Variants in ZNF385D observed in about 807,000 individuals in gnomAD.
ZNF385D encodes zinc finger protein 385D, also known as zinc finger protein 659.
Under a neutral mutation model 35.8 loss-of-function variants are expected in ZNF385D, and 15 were observed. That is an observed-to-expected ratio of 0.42 (90% CI 0.28 to 0.64). The LOEUF is 0.64. Among genes scored for constraint, ZNF385D ranks in the 30% least tolerant of loss-of-function variants. ZNF385D has a pLI of 0.23. For missense variants in ZNF385D, 474 were observed against 494.6 expected, an observed-to-expected ratio of 0.96 and a Z score of 0.39; for synonymous variants, 212 against 186.8, an observed-to-expected ratio of 1.13 and a Z score of -1.10.
Position 21,786,356 on chromosome 3 carries a change from T to C in ZNF385D, c.326-121328A>G, listed in dbSNP as rs148634063. On this transcript the variant is annotated intron_variant, in intron 3 of 5. Transcript: ENST00000494108. Reference sequence around the variant, plus strand: ...AGTCCAAGAAAAAGCCAAGAAAGGTTTGAGAACACAGTACTCCTTTAGGGA... The same window carrying C: ...AGTCCAAGAAAAAGCCAAGAAAGGTCTGAGAACACAGTACTCCTTTAGGGA... Among the ~76,000 whole-genome samples the C allele has an allele frequency of 6.5e-4, 99 of 152,348 alleles. 1 individual carries two copies. The highest frequency in any genetic ancestry group is 2.3e-3 in the African/African-American group (96 of 41,582).
chr3:22,127,901 C>T (rs1299928566), intron 3 of ZNF385D, among the ~76,000 whole-genome samples: 1 of 152,120 alleles, frequency 6.6e-6, no homozygotes, highest in Non-Finnish European at 1.5e-5. Flanking sequence ...ATCTTTTAGT[C>T]TTCCTACTAA....
chr3:22,117,496 C>T (rs1000603675), intron 3 of ZNF385D, among the ~76,000 whole-genome samples: 1 of 151,728 alleles, frequency 6.6e-6, no homozygotes, highest in Non-Finnish European at 1.5e-5. Flanking sequence ...GCATCTTGTT[C>T]AACCAAAATT....
chr3:21,941,438 G>A (rs182245324), intron 3 of ZNF385D, among the ~76,000 whole-genome samples: 3 of 149,418 alleles, frequency 2.0e-5, no homozygotes, highest in Middle Eastern at 3.5e-3. Context: ...ACCAAGTATA[G>A]TGATTAAGCA....
chr3:22,175,940 T>C (rs1244560643), intron 2 of ZNF385D, among the ~76,000 whole-genome samples: 1 of 149,616 alleles, frequency 6.7e-6, no homozygotes, highest in Non-Finnish European at 1.5e-5. Context: ...AAATCATATT[T>C]ATAACATTAG....
At chr3:21,690,929 C>T (rs1279002212) in intron 1 of ZNF385D, among the ~76,000 whole-genome samples, 1 of 152,174 alleles carries the variant, frequency 6.6e-6, no homozygotes, top group Non-Finnish European at 1.5e-5. Flanking sequence ...ACTGTTCCTC[C>T]TTCAAAATCT....
chr3:22,352,292 T>C (rs1485356702), intron 2 of ZNF385D, among the ~76,000 whole-genome samples: 2 of 152,202 alleles, frequency 1.3e-5, no homozygotes, highest in South Asian at 2.1e-4. Flanking sequence ...AATAAACTTA[T>C]GAACATGTTC....
intron 3 of ZNF385D, among the ~76,000 whole-genome samples, chr3:22,086,023 C>A (rs1019271884): frequency 6.6e-6 from 1 of 152,150 alleles, no homozygotes; most frequent in Non-Finnish European, 1.5e-5. Flanking sequence ...TAAAAACTCT[C>A]AATAAATTAG....
At chr3:21,745,224 A>G (rs1353598978) in intron 1 of ZNF385D, among the ~76,000 whole-genome samples, 1 of 152,186 alleles carries the variant, frequency 6.6e-6, no homozygotes, top group African/African-American at 2.4e-5. Flanking sequence ...TGGCCAGGTT[A>G]CTTTTCTTTT....
chr3:22,160,940 T>C (rs116416252), intron 3 of ZNF385D, among the ~76,000 whole-genome samples: 121 of 152,182 alleles, frequency 8.0e-4, no homozygotes, highest in African/African-American at 2.8e-3. Context: ...GGTTTAAACA[T>C]CCTAAAAGTT....
intron 2 of ZNF385D, among the ~76,000 whole-genome samples, chr3:22,331,089 G>C (rs1384034733): frequency 6.6e-6 from 1 of 152,212 alleles, no homozygotes; most frequent in African/African-American, 2.4e-5. Flanking sequence ...TTATTGACGT[G>C]TAAGTCCTCT....
At chr3:21,964,617 G>A (rs187952637) in intron 3 of ZNF385D, among the ~76,000 whole-genome samples, 42 of 151,276 alleles carry the variant, frequency 2.8e-4, no homozygotes, top group Middle Eastern at 3.4e-3. Context: ...CGCCTCCTGA[G>A]TAACTGGGTT....
At chr3:21,430,335 T>C (rs534313619) in intron 5 of ZNF385D, among the ~76,000 whole-genome samples, 2 of 151,964 alleles carry the variant, frequency 1.3e-5, no homozygotes, top group East Asian at 1.9e-4. Context: ...TTTGGAAAGG[T>C]GAAAATAGAG....
intron 4 of ZNF385D, among the ~76,000 whole-genome samples, chr3:21,486,021 A>G (rs1575028129): frequency 7.0e-6 from 1 of 142,800 alleles, no homozygotes; most frequent in East Asian, 2.0e-4. Context: ...ATAGCAATGA[A>G]TTATCTTAAA....
At chr3:21,966,171 G>A (rs1446752386) in intron 3 of ZNF385D, among the ~76,000 whole-genome samples, 2 of 152,026 alleles carry the variant, frequency 1.3e-5, no homozygotes, top group Non-Finnish European at 2.9e-5. Flanking sequence ...TATCTCAATG[G>A]ATTTGATGAA....
chr3:21,872,702 T>G (rs1697756617), intron 3 of ZNF385D, among the ~76,000 whole-genome samples: 1 of 152,114 alleles, frequency 6.6e-6, no homozygotes, highest in African/African-American at 2.4e-5. Context: ...TAGAGTTTGC[T>G]GAGCTTGCAA....
chr3:22,158,795 G>C (rs996940330), intron 3 of ZNF385D, among the ~76,000 whole-genome samples: 1 of 133,104 alleles, frequency 7.5e-6, no homozygotes, highest in Admixed American at 7.6e-5. Context: ...CTAGAAGCCA[G>C]TTTCAAAAGG....
At chr3:21,996,275 T>G (rs889784619) in intron 3 of ZNF385D, among the ~76,000 whole-genome samples, 2 of 152,112 alleles carry the variant, frequency 1.3e-5, no homozygotes, top group Admixed American at 1.3e-4. Context: ...CAGGAGTCAA[T>G]GGTGGGAATG....
At chr3:21,989,295 T>C (rs1339820189) in intron 3 of ZNF385D, among the ~76,000 whole-genome samples, 2 of 152,192 alleles carry the variant, frequency 1.3e-5, no homozygotes, top group Non-Finnish European at 2.9e-5. Flanking sequence ...AAATTGTAGT[T>C]ATAATAAACT....
intron 3 of ZNF385D, among the ~76,000 whole-genome samples, chr3:22,163,948 A>G (rs1430722368): frequency 6.6e-6 from 1 of 152,224 alleles, no homozygotes; most frequent in Non-Finnish European, 1.5e-5. Context: ...GTACAAATCA[A>G]CATTTTTAGC....
Sources: allele counts gnomAD v4.1 joint callset (sites outside exome capture counted in the v4.1 genomes callset), GRCh38; gene constraint gnomAD v4.1.1; transcripts MANE v1.5; gene names NCBI Gene and HGNC (gene_info 2026-07-23, HGNC 2026-07-21).